NOTCH1: variants seen among roughly 807,000 people sequenced by gnomAD.
NOTCH1 encodes the protein notch receptor 1.
Under a neutral mutation model 254.8 loss-of-function variants are expected in NOTCH1, and 37 were observed. That is an observed-to-expected ratio of 0.15 (90% confidence interval 0.11 to 0.19). The LOEUF (loss-of-function observed/expected upper bound fraction) is 0.19, where lower values mean the gene tolerates loss of function less well. NOTCH1 is among the 10% of genes least tolerant of loss of function. NOTCH1 has a pLI of 1.00. For missense variants in NOTCH1, 2,972 were observed against 3,708.6 expected, an observed-to-expected ratio of 0.80 and a Z score of 5.16; for synonymous variants, 1,731 against 1,618.1, an observed-to-expected ratio of 1.07 and a Z score of -1.68.
At chr9:136,517,998 T>G in intron 7 of NOTCH1, 61 bp from the exon 8 acceptor site, 2 of 1,591,754 alleles carry the variant, frequency 1.3e-6, no homozygotes, top group African/African-American at 1.3e-5. Flanking sequence ...AACACCTCAC[T>G]GCACACCACC....
intron 33 of NOTCH1, among the ~76,000 whole-genome samples, 163 bp from the exon 34 acceptor site, chr9:136,497,721 C>T (rs1842940314): frequency 6.6e-6 from 1 of 152,188 alleles, no homozygotes; most frequent in Admixed American, 6.5e-5. Context: ...AACCACCTAG[C>T]CTGACTCTTG....
In NOTCH1 at chr9:136,496,820, G is replaced by C; in HGVS notation, c.6919C>G (p.Gln2307Glu). Residue 2307 changes from glutamine (Q) to glutamate (E), a missense_variant, in exon 34 of 34, where the codon CAA (glutamine) becomes GAA (glutamate). Physicochemically the swap from Gln to Glu is conservative, Grantham distance 29 (BLOSUM62 2). Transcript: ENST00000651671. ...TVGGSTSLNG[Q>E]CEWLSRLQSG... ...TGCAGCCGGGACAGCCACTCGCATT[G>C]ACCATTCAAACTGGTGGACCCGCCC... 6.2e-7 allele frequency: 1 copy of C among 1,612,938 alleles called. No individual in the cohort carries two copies. The highest frequency in any genetic ancestry group is 8.5e-7 in the Non-Finnish European group (1 of 1,180,004).
chr9:136,534,147 A>C (rs1843605770), intron 2 of NOTCH1, among the ~76,000 whole-genome samples: 1 of 152,118 alleles, frequency 6.6e-6, no homozygotes, highest in Non-Finnish European at 1.5e-5. Flanking sequence ...AACCCGGTGC[A>C]TCCTGCAGGG....
At position 136,496,283 on chromosome 9, in the gene NOTCH1, A is replaced by T; in HGVS notation, c.7456T>A (p.Ser2486Thr). The change falls in exon 34 of 34, where the codon TCG (serine) becomes ACG (threonine). Residue 2486 changes from serine to threonine, a missense_variant. Around this residue, in one of 8 missense-constraint regions of NOTCH1, gnomAD observed 85 missense variants for 126.1 expected, o/e 0.67. Coordinates refer to ENST00000651671, the MANE Select transcript of NOTCH1 (RefSeq NM_017617.5). ...ACAGGCGAGGAGTAGCTGTGCTGCG[A>T]GGGGGGCGTCAGGAACTGGGCTGCG... ...VTAAQFLTPP[S>T]QHSYSSPVDN... is the part of the protein sequence containing the mutation. 6.3e-7 allele frequency: 1 copy of T among 1,598,202 alleles called. No homozygotes were observed. The highest frequency in any genetic ancestry group is 8.5e-7 in the Non-Finnish European group (1 of 1,171,692).
chr9:136,518,390 C>T, intron 6 of NOTCH1, 98 bp from the exon 7 acceptor site: 1 of 1,489,058 alleles, frequency 6.7e-7, no homozygotes, highest in Non-Finnish European at 9.1e-7. Context: ...CCAGGAGGAG[C>T]TGCCCGCCGT....
At position 136,501,708 on chromosome 9, in the gene NOTCH1, G is replaced by A. The variant is rs557312251; in HGVS notation, c.5638+40C>T. On this transcript the variant is annotated intron_variant, in intron 30 of 33. Coordinates refer to ENST00000651671, the MANE Select transcript of NOTCH1 (RefSeq NM_017617.5). ...GGGCTTAGGGGAGAGAGGCAGGTGG[G>A]CCACGGGGCTAGGGAAGCCCTGGCT... 1.5e-4 allele frequency: 248 copies of A among 1,605,108 alleles called. 1 individual carries two copies. In the South Asian group the frequency reaches 2.5e-3, roughly 16 times the overall value.
At chr9:136,529,735 C>T (rs900764147) in intron 2 of NOTCH1, among the ~76,000 whole-genome samples, 9 of 152,280 alleles carry the variant, frequency 5.9e-5, no homozygotes, top group African/African-American at 2.2e-4. Context: ...GCCCTGCAGC[C>T]GCTGGGTCTT....
intron 26 of NOTCH1, 59 bp from the exon 27 acceptor site, chr9:136,503,389 G>A: frequency 1.2e-6 from 2 of 1,609,482 alleles, no homozygotes; most frequent in Non-Finnish European, 1.7e-6. Flanking sequence ...CCGCCCACCG[G>A]CCAGGGATGC....
At position 136,506,839 on chromosome 9, in the gene NOTCH1, C is replaced by T. The variant is rs751169922; in HGVS notation, c.3778G>A (p.Val1260Met). Reference protein sequence around the residue: ...GYSCTCPPGFVGERCEGDVNE... With the variant: ...GYSCTCPPGFMGERCEGDVNE... ...ACATCCCCCTCACAGCGCTCACCCA[C>T]GAAGCCCGGCGGGCAGGTGCAGCTG... is the stretch of plus-strand genomic sequence containing the variant. Residue 1260 changes from valine (V) to methionine (M), a missense_variant, in exon 23 of 34, where the codon GTG becomes ATG. Val to Met is a conservative substitution (Grantham distance 21). Coordinates refer to ENST00000651671, the MANE Select transcript of NOTCH1 (RefSeq NM_017617.5). This position sits in a 1 kb window ranked among gnomAD's most constrained non-coding sequence, Gnocchi z 4.5. 3.7e-6 allele frequency: 6 copies of T among 1,612,132 alleles called. No individual in the cohort carries two copies. The highest frequency in any genetic ancestry group is 2.2e-5 in the South Asian group (2 of 90,972).
Position 136,505,414 on chromosome 9 carries a change from C to A in NOTCH1, c.4482G>T (p.Leu1494=), listed in dbSNP as rs1443043549. 3.0e-5 allele frequency: 49 copies of A among 1,612,682 alleles called. No individual in the cohort carries two copies. The highest frequency in any genetic ancestry group is 4.1e-5 in the Non-Finnish European group (48 of 1,179,994). The change falls in exon 25 of 34, where the codon CTG becomes CTT. Residue 1494 remains leucine, a synonymous_variant. Transcript: ENST00000651671. ...NDPWKNCTQS[L]QCWKYFSDGH... is the part of the protein sequence containing the mutation. The stretch of plus-strand genomic sequence containing the variant: ...CGTCACTGAAGTACTTCCAGCACTG[C>A]AGAGACTGCGTGCAGTTCTTCCAGG...
intron 15 of NOTCH1, 114 bp downstream of exon 15, chr9:136,512,907 G>A (rs866708133): frequency 4.5e-5 from 21 of 467,100 alleles, no homozygotes; most frequent in Non-Finnish European, 6.6e-5. Flanking sequence ...TTCCCAGGCC[G>A]CCCCCACCCC....
At position 136,540,908 on chromosome 9, in the gene NOTCH1, G is replaced by A. The variant is rs138549463; in HGVS notation, c.140+3116C>T. 0.012 allele frequency among the ~76,000 whole-genome samples: 1,774 copies of A among 152,240 alleles called. 18 individuals carry two copies. Among genetic ancestry groups the A allele is most frequent in the Non-Finnish European group, 0.018 (1,245 of 68,022 alleles). ...CAGACGCAGGCAGCCCTGGGAGAGC[G>A]TTTCAGACCAAGGACGTAGTCTCAC... On this transcript the variant is annotated intron_variant, in intron 2 of 33. Coordinates refer to ENST00000651671, the MANE Select transcript of NOTCH1 (RefSeq NM_017617.5). The surrounding 1 kb of genome is among the most constrained non-coding windows in gnomAD (Gnocchi z 4.4).
intron 9 of NOTCH1, 28 bp downstream of exon 9, chr9:136,517,244 G>A (rs780865402): frequency 1.5e-5 from 22 of 1,458,494 alleles, no homozygotes; most frequent in South Asian, 2.4e-5. Flanking sequence ...CAGACGACCC[G>A]GGGGCAGGGG....
In NOTCH1 at chr9:136,517,301, A is replaced by T. The variant is rs770005789; in HGVS notation, c.1526T>A (p.Ile509Asn). ...GGGGCACTCGCACTGGAACTCATTG[A>T]TCTTGTCCAGGCAGCGGCCATTGTG... ...CLHNGRCLDK[I>N]NEFQCECPTG... The change falls in exon 9 of 34, where the codon ATC becomes AAC. Residue 509 changes from isoleucine to asparagine, a missense_variant. Physicochemically the swap from Ile to Asn is moderately radical, Grantham distance 149. Coordinates refer to ENST00000651671, the MANE Select transcript of NOTCH1 (RefSeq NM_017617.5). 4 of 1,608,698 alleles carry T rather than the reference A, an allele frequency of 2.5e-6. No individual in the cohort carries two copies. Among genetic ancestry groups the T allele is most frequent in the East Asian group, 4.5e-5 (2 of 44,742 alleles).
chr9:136,495,275 G>A lies in NOTCH1; in HGVS notation c.*796C>T, dbSNP rs917227851. On this transcript the variant is annotated 3_prime_UTR_variant, in exon 34 of 34. Coordinates refer to ENST00000651671, the MANE Select transcript of NOTCH1 (RefSeq NM_017617.5). ...CCTACATTTCAAGAACGGGCAGGGGGCCGGGGTGGTTCTGGAGGGACCAAG... is the reference window on the plus strand; with the variant it reads ...CCTACATTTCAAGAACGGGCAGGGGACCGGGGTGGTTCTGGAGGGACCAAG... The A allele has an allele frequency of 1.3e-5, 5 of 398,866 alleles. No individual in the cohort carries two copies. The highest frequency in any genetic ancestry group is 1.0e-4 in the African/African-American group (5 of 48,634). 24.7% of individuals were successfully genotyped at this position (398,866 alleles called of 1,614,324 possible).
chr9:136,532,761 T>C (rs1016412825), intron 2 of NOTCH1, among the ~76,000 whole-genome samples: 2 of 152,176 alleles, frequency 1.3e-5, no homozygotes, highest in African/African-American at 4.8e-5. Flanking sequence ...AGAGAGGTGG[T>C]GGCGGCCCGG....
At chr9:136,527,204 A>T (rs1843476356) in intron 2 of NOTCH1, among the ~76,000 whole-genome samples, 2 of 152,114 alleles carry the variant, frequency 1.3e-5, no homozygotes, top group Non-Finnish European at 1.5e-5. Context: ...GAGCTGGAGC[A>T]CCCTACAGAC....
chr9:136,503,111 G>C (rs1217369800), intron 27 of NOTCH1, 71 bp downstream of exon 27: 2 of 1,601,510 alleles, frequency 1.2e-6, no homozygotes, highest in South Asian at 2.2e-5. Flanking sequence ...CAAACAGCCA[G>C]CGTGTCTGGG....
At position 136,495,016 on chromosome 9, in the gene NOTCH1, G is replaced by A. The variant is rs1395957035; in HGVS notation, c.*1055C>T. ...AGCTCAATGTGCCCGGCTCTGGCAA[G>A]TCTCCTACAAAACACGGGAGCCCAC... On this transcript the variant is annotated 3_prime_UTR_variant, in exon 34 of 34. Coordinates refer to ENST00000651671, the MANE Select transcript of NOTCH1 (RefSeq NM_017617.5). The A allele has an allele frequency of 2.5e-6, 1 of 398,854 alleles. No individual in the cohort carries two copies. The highest frequency in any genetic ancestry group is 4.4e-6 in the Non-Finnish European group (1 of 226,084). The allele number at this position is 398,854 out of a possible 1,614,324, so 24.7% of individuals were successfully genotyped here. A position where few individuals can be genotyped will look rare whatever the true frequency, so the allele number is the denominator to read the frequency against.
Sources: gnomAD v4.1 joint callset for allele counts (sites outside exome capture counted in the v4.1 genomes callset) on GRCh38, gnomAD v4.1.1 for gene constraint, gnomAD v4.1.1 regional missense constraint, Gnocchi (gnomAD v3.1) non-coding constraint, MANE v1.5 for transcripts, NCBI Gene and HGNC (gene_info 2026-07-23, HGNC 2026-07-21) for gene names.